Variants in DCLK2 observed in about 807,000 individuals in gnomAD.
The protein encoded by DCLK2 is serine/threonine-protein kinase DCLK2.
A neutral mutation model predicts 78.4 loss-of-function variants in DCLK2; 31 were observed. The ratio of observed to expected loss-of-function variants is 0.40; its 90% CI spans 0.30 to 0.53. The LOEUF is 0.53. DCLK2 is among the 20% of genes least tolerant of loss of function. The probability of loss-of-function intolerance (pLI) is 0.61; values close to 1 mark genes in which losing one functional copy is unlikely to be tolerated. For missense variants in DCLK2, 872 were observed against 973.7 expected (o/e 0.90, Z 1.39); for synonymous variants, 407 against 374.9 (o/e 1.09, Z -0.99).
intron 2 of DCLK2, among the ~76,000 whole-genome samples, chr4:150,139,008 T>G (rs1182240264): frequency 6.6e-6 from 1 of 151,036 alleles, no homozygotes; most frequent in Admixed American, 6.6e-5. Context: ...AAAAAAAAGG[T>G]TTTCCCTGTA....
intron 2 of DCLK2, among the ~76,000 whole-genome samples, chr4:150,136,979 C>CTTTTTTTTTTTTTTTTTTTTTTT (rs35729685): frequency 9.7e-5 from 8 of 82,406 alleles, no homozygotes; most frequent in Admixed American, 1.9e-4. Context: ...TCTTCTTCTT[C>CTTTTTTTTTTTTTTTTTTTTTTT]TTTTTTTTTT....
intron 2 of DCLK2, among the ~76,000 whole-genome samples, chr4:150,121,486 G>A (rs1200557299): frequency 6.6e-6 from 1 of 152,156 alleles, no homozygotes; most frequent in East Asian, 1.9e-4. Context: ...CATATATTTA[G>A]GCTCCACTTC....
chr4:150,138,539 T>C (rs913421775), intron 2 of DCLK2, among the ~76,000 whole-genome samples: 11 of 152,188 alleles, frequency 7.2e-5, no homozygotes, highest in African/African-American at 2.4e-4. Context: ...TTCACATTAT[T>C]GTGGCAAAAA....
intron 12 of DCLK2, among the ~76,000 whole-genome samples, chr4:150,241,946 G>A (rs1742958188): frequency 6.6e-6 from 1 of 152,164 alleles, no homozygotes; most frequent in Non-Finnish European, 1.5e-5. Flanking sequence ...GTGAATTTTG[G>A]GGAGACATGA....
In DCLK2 at chr4:150,143,983, C is replaced by A. The variant is rs575571200; in HGVS notation, c.756+41171C>A. 3.3e-5 allele frequency among the ~76,000 whole-genome samples: 5 copies of A among 151,906 alleles called. No individual in the cohort carries two copies. The South Asian group carries it at 1.0e-3, about 31-fold the overall frequency. On this transcript the variant is annotated intron_variant, in intron 2 of 15. Coordinates refer to ENST00000296550, the MANE Select transcript of DCLK2 (RefSeq NM_001040260.4). ...TAATTTGCAAATATTTTTTCCCATT[C>A]TGTAGGTTGGCTGTTTACTCTGTTG...
chr4:150,200,188 T>C (rs1739353471), intron 4 of DCLK2, among the ~76,000 whole-genome samples: 2 of 152,324 alleles, frequency 1.3e-5, no homozygotes, highest in East Asian at 3.9e-4. Flanking sequence ...CTAATAAATA[T>C]ATACATAACT....
At chr4:150,141,493 C>A (rs1734098449) in intron 2 of DCLK2, among the ~76,000 whole-genome samples, 2 of 152,148 alleles carry the variant, frequency 1.3e-5, no homozygotes, top group Admixed American at 1.3e-4. Flanking sequence ...GAGATGGAAA[C>A]CATTCCAAAG....
chr4:150,238,024 A>G (rs1258535840), intron 10 of DCLK2, among the ~76,000 whole-genome samples: 9 of 152,214 alleles, frequency 5.9e-5, no homozygotes, highest in African/African-American at 1.7e-4. Flanking sequence ...CTATTCACTT[A>G]GAACCTAACT....
At chr4:150,120,995 T>TG (rs1463005743) in intron 2 of DCLK2, among the ~76,000 whole-genome samples, 1 of 152,132 alleles carries the variant, frequency 6.6e-6, no homozygotes, top group South Asian at 2.1e-4. Context: ...TACTTATACC[T>TG]GGGGGGCAGA....
At position 150,256,832 on chromosome 4, in the gene DCLK2, T is replaced by C. The variant is rs1744602791; in HGVS notation, c.*585T>C. 1 of 152,416 alleles carries C rather than the reference T, an allele frequency of 6.6e-6. No homozygotes were observed. The highest frequency in any genetic ancestry group is 2.1e-4 in the South Asian group (1 of 4,842). 9.4% of individuals were successfully genotyped at this position (152,416 alleles called of 1,614,324 possible). A position where few individuals can be genotyped will look rare whatever the true frequency, so the allele number is the denominator to read the frequency against. ...GACAATTTGGTCATTGGACACGGATTGCAGGCTTTGAGAAGCGCTCAGAGG... is the reference window on the plus strand; with the variant it reads ...GACAATTTGGTCATTGGACACGGATCGCAGGCTTTGAGAAGCGCTCAGAGG... On this transcript the variant is annotated 3_prime_UTR_variant, in exon 16 of 16. Coordinates refer to ENST00000296550, the MANE Select transcript of DCLK2 (RefSeq NM_001040260.4).
At chr4:150,134,068 T>C (rs1275036175) in intron 2 of DCLK2, among the ~76,000 whole-genome samples, 2 of 147,296 alleles carry the variant, frequency 1.4e-5, no homozygotes, top group South Asian at 2.1e-4. Context: ...CATTTTTGCG[T>C]ATAAACTCTT....
At chr4:150,105,480 G>A (rs4530613) in intron 2 of DCLK2, among the ~76,000 whole-genome samples, 57,301 of 151,860 alleles carry the variant, frequency 0.38, 11,124 homozygotes, top group Non-Finnish European at 0.42. Flanking sequence ...AAAATGTTCA[G>A]TGTTTTTGAA....
At chr4:150,235,261 A>C (rs1560896325) in intron 10 of DCLK2, among the ~76,000 whole-genome samples, 1 of 152,098 alleles carries the variant, frequency 6.6e-6, no homozygotes, top group Non-Finnish European at 1.5e-5. Flanking sequence ...TTCCACTCAG[A>C]GTTTCTTAAT....
chr4:150,174,686 G>A (rs1350866671), intron 2 of DCLK2, among the ~76,000 whole-genome samples: 1 of 151,748 alleles, frequency 6.6e-6, no homozygotes, highest in African/African-American at 2.4e-5. Context: ...AATGTTTTAA[G>A]TGAAGACGGT....
chr4:150,133,922 C>T (rs1014997342), intron 2 of DCLK2, among the ~76,000 whole-genome samples: 2 of 152,030 alleles, frequency 1.3e-5, no homozygotes, highest in Non-Finnish European at 2.9e-5. Flanking sequence ...ACTCATGTAG[C>T]CCCAAATATT....
intron 2 of DCLK2, among the ~76,000 whole-genome samples, chr4:150,142,261 T>C (rs970695132): frequency 5.9e-5 from 9 of 152,168 alleles, no homozygotes; most frequent in South Asian, 4.1e-4. Context: ...CATCATTATG[T>C]ATATAATTAA....
chr4:150,080,158 C>T (rs895587749), intron 1 of DCLK2, among the ~76,000 whole-genome samples: 1 of 149,004 alleles, frequency 6.7e-6, no homozygotes. Flanking sequence ...TAACAATCAC[C>T]GTGCTAAAGG....
chr4:150,235,604 C>T (rs1742441091), intron 10 of DCLK2, among the ~76,000 whole-genome samples: 1 of 152,140 alleles, frequency 6.6e-6, no homozygotes, highest in Admixed American at 6.5e-5. Flanking sequence ...AAAGGCTCTT[C>T]CGAGCCTTCA....
At chr4:150,239,017 C>G (rs914309315) in intron 10 of DCLK2, among the ~76,000 whole-genome samples, 1 of 152,138 alleles carries the variant, frequency 6.6e-6, no homozygotes, top group African/African-American at 2.4e-5. Flanking sequence ...TTGGTGGACA[C>G]TTAATACACC....
Sources: allele counts gnomAD v4.1 joint callset (sites outside exome capture counted in the v4.1 genomes callset), GRCh38; gene constraint gnomAD v4.1.1; transcripts MANE v1.5; gene names NCBI Gene and HGNC (gene_info 2026-07-23, HGNC 2026-07-21).